PAFAH1B1: variants seen among roughly 807,000 people sequenced by gnomAD.
The protein encoded by PAFAH1B1 is platelet activating factor acetylhydrolase 1b regulatory subunit 1, also known as platelet-activating factor acetylhydrolase IB subunit beta.
PAFAH1B1 carries 2 observed loss-of-function variants against 57.5 expected under a neutral mutation model. That is an observed-to-expected ratio of 0.03 (90% CI 0.01 to 0.11). PAFAH1B1 has a LOEUF of 0.11. Among genes scored for constraint, PAFAH1B1 ranks in the 10% least tolerant of loss-of-function variants. The pLI is 1.00. For missense variants in PAFAH1B1, 257 were observed against 512.0 expected (o/e 0.50, Z 4.81); for synonymous variants, 152 against 169.6 (o/e 0.90, Z 0.81).
intron 2 of PAFAH1B1, among the ~76,000 whole-genome samples, chr17:2,657,538 C>T (rs1355261720): frequency 1.3e-5 from 2 of 152,240 alleles, no homozygotes; most frequent in African/African-American, 4.8e-5. Flanking sequence ...GCTACCACGC[C>T]TGGCCAAGAA....
chr17:2,659,319 A>G (rs934150128), intron 2 of PAFAH1B1: 38 of 168,866 alleles, frequency 2.3e-4, no homozygotes, highest in Non-Finnish European at 2.5e-4. Context: ...CGGGCGGATC[A>G]CAAGGTCAAG....
At position 2,623,982 on chromosome 17, in the gene PAFAH1B1, G is replaced by T. The variant is rs182675235; in HGVS notation, c.-190-14117G>T. 1.1e-3 allele frequency among the ~76,000 whole-genome samples: 167 copies of T among 152,236 alleles called. 3 individuals are homozygous for T. Among genetic ancestry groups the T allele is most frequent in the African/African-American group, 3.8e-3 (156 of 41,534 alleles). ...AAACGAAATACTTTTCAAACACCCA[G>T]GTCACCTTTTGGATGCTTTACTGCT... On this transcript the variant is annotated intron_variant, in intron 1 of 10. Coordinates refer to ENST00000397195, the MANE Select transcript of PAFAH1B1 (RefSeq NM_000430.4).
intron 1 of PAFAH1B1, among the ~76,000 whole-genome samples, chr17:2,623,464 T>TA (rs1271446414): frequency 6.6e-6 from 1 of 151,766 alleles, no homozygotes; most frequent in African/African-American, 2.4e-5. Context: ...TTCAGCATGT[T>TA]AGCCAGGATG....
chr17:2,634,386 C>T (rs997355720), intron 1 of PAFAH1B1, among the ~76,000 whole-genome samples: 5 of 152,188 alleles, frequency 3.3e-5, no homozygotes, highest in Admixed American at 3.3e-4. Context: ...ATCCACCCAC[C>T]TTGGCCTCCC....
At chr17:2,604,957 A>C (rs143351617) in intron 1 of PAFAH1B1, among the ~76,000 whole-genome samples, 100 of 152,338 alleles carry the variant, frequency 6.6e-4, no homozygotes, top group African/African-American at 2.3e-3. Context: ...TTGGAGAGGC[A>C]CGTCTGAGCC....
At chr17:2,681,053 C>T (rs2069376503) in intron 10 of PAFAH1B1, 1 of 154,282 alleles carries the variant, frequency 6.5e-6, no homozygotes, top group African/African-American at 2.4e-5. Flanking sequence ...GATGTTTGCA[C>T]TAAGTGCAGC....
At chr17:2,632,819 A>T (rs897575590) in intron 1 of PAFAH1B1, among the ~76,000 whole-genome samples, 2 of 152,142 alleles carry the variant, frequency 1.3e-5, no homozygotes, top group African/African-American at 4.8e-5. Context: ...TTTATCAGGG[A>T]TATGAGCAAC....
Position 2,665,345 on chromosome 17 carries a change from T to A in PAFAH1B1, c.33-27T>A, listed in dbSNP as rs747327501. 44 of 1,300,152 alleles carry A rather than the reference T, an allele frequency of 3.4e-5. No individual in the cohort carries two copies. The Admixed American group carries it at 4.5e-4, about 13-fold the overall frequency. The allele number at this position is 1,300,152 out of a possible 1,614,324, so 80.5% of individuals were successfully genotyped here. A position where few individuals can be genotyped will look rare whatever the true frequency, so the allele number is the denominator to read the frequency against. On this transcript the variant is annotated intron_variant, in intron 2 of 10. Transcript: ENST00000397195. ...CAGAATAGAAATGAGGTCTTTTTTT[T>A]AGGAGTCATTTGAATTTTTCTTTCA...
At chr17:2,644,825 G>T (rs532143258) in intron 2 of PAFAH1B1, among the ~76,000 whole-genome samples, 40 of 152,064 alleles carry the variant, frequency 2.6e-4, no homozygotes, top group Non-Finnish European at 1.2e-4. Flanking sequence ...TCATAATCAG[G>T]ATAAGTATTT....
chr17:2,663,027 C>T (rs559401349), intron 2 of PAFAH1B1, among the ~76,000 whole-genome samples: 4 of 152,208 alleles, frequency 2.6e-5, no homozygotes, highest in East Asian at 3.9e-4. Flanking sequence ...GCAGGAGAAT[C>T]GCTTGAACCT....
intron 4 of PAFAH1B1, 92 bp from the exon 5 acceptor site, chr17:2,666,900 T>TA (rs2069113303): frequency 1.2e-6 from 1 of 855,734 alleles, no homozygotes; most frequent in Admixed American, 2.0e-5. Flanking sequence ...GTATCCTACA[T>TA]ACATAGTTGC....
At chr17:2,593,432 A>C (rs752585710), upstream of PAFAH1B1, 2 of 152,708 alleles carry the variant, frequency 1.3e-5, no homozygotes, top group Non-Finnish European at 2.9e-5. Flanking sequence ...CGTGAGAAGC[A>C]GCACCTCGCA....
intron 2 of PAFAH1B1, among the ~76,000 whole-genome samples, chr17:2,653,330 T>C (rs1443069825): frequency 6.6e-6 from 1 of 151,922 alleles, no homozygotes; most frequent in Non-Finnish European, 1.5e-5. Context: ...AATGACGAGT[T>C]AATGGGTGCA....
intron 1 of PAFAH1B1, among the ~76,000 whole-genome samples, chr17:2,608,774 A>G (rs1373518827): frequency 6.6e-6 from 1 of 152,194 alleles, no homozygotes; most frequent in Non-Finnish European, 1.5e-5. Flanking sequence ...ATAAAAAATG[A>G]TTTGTTTGTT....
chr17:2,635,219 G>A (rs7209748), intron 1 of PAFAH1B1, among the ~76,000 whole-genome samples: 3 of 151,324 alleles, frequency 2.0e-5, no homozygotes, highest in South Asian at 2.1e-4. Context: ...AAGACAATAC[G>A]TAGCACATAA....
At chr17:2,664,652 A>G (rs1217038803) in intron 2 of PAFAH1B1, among the ~76,000 whole-genome samples, 4 of 130,286 alleles carry the variant, frequency 3.1e-5, no homozygotes, top group African/African-American at 1.2e-4. Flanking sequence ...ATATATATCT[A>G]TATCTATCTA....
chr17:2,680,093 T>C, intron 9 of PAFAH1B1, 71 bp from the exon 10 acceptor site: 1 of 1,321,766 alleles, frequency 7.6e-7, no homozygotes, highest in South Asian at 1.2e-5. Flanking sequence ...TATAGTTTTA[T>C]CGTATTATGA....
chr17:2,595,130 A>G (rs1488186195), intron 1 of PAFAH1B1, among the ~76,000 whole-genome samples: 1 of 152,138 alleles, frequency 6.6e-6, no homozygotes, highest in South Asian at 2.1e-4. Flanking sequence ...CTCGTTCTCA[A>G]TGGGCGATGT....
intron 1 of PAFAH1B1, among the ~76,000 whole-genome samples, chr17:2,619,110 G>GT (rs2068386051): frequency 6.6e-6 from 1 of 151,898 alleles, no homozygotes; most frequent in Non-Finnish European, 1.5e-5. Flanking sequence ...TTTAGCTGGG[G>GT]TTTTTTGTTT....
Sources: gnomAD v4.1 joint callset for allele counts (sites outside exome capture counted in the v4.1 genomes callset) on GRCh38, gnomAD v4.1.1 for gene constraint, MANE v1.5 for transcripts, NCBI Gene and HGNC (gene_info 2026-07-23, HGNC 2026-07-21) for gene names.